PLXNC1: variants seen among roughly 807,000 people sequenced by gnomAD.
PLXNC1 encodes the protein plexin C1, also known as plexin-C1.
In PLXNC1, 75 loss-of-function variants were observed where a neutral mutation model predicts 178.2. The ratio of observed to expected loss-of-function variants is 0.42; its 90% CI spans 0.35 to 0.51. PLXNC1 has a LOEUF of 0.51. Among genes scored for constraint, PLXNC1 ranks in the 20% least tolerant of loss-of-function variants. PLXNC1 has a pLI of 0.02. For synonymous variants in PLXNC1, 790 were observed against 779.9 expected (o/e 1.01, Z -0.22); for missense variants, 1,503 against 1,984.4 (o/e 0.76, Z 4.61).
At chr12:94,252,196 C>A (rs903902799) in intron 15 of PLXNC1, among the ~76,000 whole-genome samples, 4 of 152,142 alleles carry the variant, frequency 2.6e-5, no homozygotes, top group African/African-American at 7.2e-5. Flanking sequence ...TTGGTTATTT[C>A]ATCTTGACCA....
intron 6 of PLXNC1, among the ~76,000 whole-genome samples, chr12:94,222,194 A>G (rs889287607): frequency 6.6e-6 from 1 of 152,188 alleles, no homozygotes; most frequent in Non-Finnish European, 1.5e-5. Flanking sequence ...ATGCCTCTAA[A>G]GTATTTGAGA....
At chr12:94,164,409 T>C (rs1379161302) in intron 1 of PLXNC1, among the ~76,000 whole-genome samples, 1 of 149,630 alleles carries the variant, frequency 6.7e-6, no homozygotes, top group African/African-American at 2.5e-5. Flanking sequence ...TCCCTCCCGA[T>C]GATGCCGCAA....
intron 1 of PLXNC1, among the ~76,000 whole-genome samples, chr12:94,160,454 CCT>C (rs1592719934): frequency 1.3e-5 from 2 of 152,170 alleles, no homozygotes; most frequent in African/African-American, 2.4e-5. Context: ...CTTGTCATCC[CCT>C]GTCTCCCCGC....
chr12:94,275,619 C>T (rs1965875928), intron 21 of PLXNC1, among the ~76,000 whole-genome samples: 1 of 86,140 alleles, frequency 1.2e-5, no homozygotes, highest in South Asian at 2.9e-4. Flanking sequence ...TTTGGGAGGC[C>T]GAGGCGGGCG....
At chr12:94,159,749 G>T (rs890236798) in intron 1 of PLXNC1, among the ~76,000 whole-genome samples, 1 of 152,214 alleles carries the variant, frequency 6.6e-6, no homozygotes, top group African/African-American at 2.4e-5. Context: ...TGCCCTGTGG[G>T]GAATGGATGA....
intron 24 of PLXNC1, among the ~76,000 whole-genome samples, chr12:94,296,575 G>A (rs1967939893): frequency 2.6e-5 from 4 of 152,088 alleles, no homozygotes. Flanking sequence ...CTTGCTCTGT[G>A]AGCACCACCT....
intron 1 of PLXNC1, among the ~76,000 whole-genome samples, chr12:94,161,720 A>C (rs1013484507): frequency 5.9e-5 from 9 of 152,350 alleles, no homozygotes; most frequent in African/African-American, 2.2e-4. Flanking sequence ...CTTACAAGCT[A>C]TCAATGAGCT....
chr12:94,257,685 T>C (rs934795740), intron 17 of PLXNC1, among the ~76,000 whole-genome samples: 2 of 148,578 alleles, frequency 1.3e-5, no homozygotes, highest in African/African-American at 5.0e-5. Context: ...AGGCAGAGAA[T>C]TGCTTGAACC....
chr12:94,250,363 C>T (rs1046993318), intron 14 of PLXNC1, among the ~76,000 whole-genome samples: 1 of 152,122 alleles, frequency 6.6e-6, no homozygotes, highest in African/African-American at 2.4e-5. Context: ...CCAAGAGGCA[C>T]TCCCAACATC....
At chr12:94,245,340 G>A (rs1290894421) in intron 12 of PLXNC1, among the ~76,000 whole-genome samples, 3 of 152,338 alleles carry the variant, frequency 2.0e-5, no homozygotes, top group Middle Eastern at 6.8e-3. Flanking sequence ...AGATAAGTGA[G>A]ATAGTCATAT....
intron 23 of PLXNC1, among the ~76,000 whole-genome samples, chr12:94,290,491 C>T (rs373142965): frequency 5.9e-5 from 9 of 152,228 alleles, no homozygotes; most frequent in African/African-American, 2.2e-4. Context: ...GGCCTGATGG[C>T]CCCAGCCGGC....
chr12:94,288,079 T>G (rs1275766004), intron 23 of PLXNC1, among the ~76,000 whole-genome samples: 1 of 152,210 alleles, frequency 6.6e-6, no homozygotes, highest in African/African-American at 2.4e-5. Flanking sequence ...GATCCAGGCT[T>G]TCAGCCCATG....
intron 4 of PLXNC1, among the ~76,000 whole-genome samples, chr12:94,197,304 A>G (rs1418387898): frequency 1.3e-5 from 2 of 152,182 alleles, no homozygotes; most frequent in African/African-American, 2.4e-5. Flanking sequence ...AACCTTTCGG[A>G]CGTGATTAGG....
In PLXNC1 at chr12:94,303,700, T is replaced by TC. The variant is rs1286190363; in HGVS notation, c.4387-56_4387-55insC. ...TATTATAAATTCCTCCATCTTTTTT[T>TC]TTTTTTTTTTTTACTCTTTTGGTGA... On this transcript the variant is annotated intron_variant, in intron 28 of 30. Transcript: ENST00000258526. 5 of 1,154,944 alleles carry TC rather than the reference T, an allele frequency of 4.3e-6. No individual in the cohort carries two copies. The African/African-American group carries it at 8.2e-5, about 19-fold the overall frequency. The allele number at this position is 1,154,944 out of a possible 1,614,324, so 71.5% of individuals were successfully genotyped here.
At chr12:94,284,689 C>T (rs557115355) in intron 23 of PLXNC1, among the ~76,000 whole-genome samples, 19 of 152,044 alleles carry the variant, frequency 1.2e-4, no homozygotes, top group African/African-American at 3.6e-4. Context: ...GGGCCAGATT[C>T]GGACCTGGAT....
intron 1 of PLXNC1, among the ~76,000 whole-genome samples, chr12:94,154,933 T>C (rs1346107646): frequency 6.6e-6 from 1 of 152,236 alleles, no homozygotes; most frequent in African/African-American, 2.4e-5. Flanking sequence ...AAATGAAGGA[T>C]CGTAGAGAAT....
intron 14 of PLXNC1, among the ~76,000 whole-genome samples, chr12:94,249,473 A>G (rs1337145658): frequency 6.6e-6 from 1 of 152,118 alleles, no homozygotes; most frequent in Non-Finnish European, 1.5e-5. Flanking sequence ...GCCTCAAGTG[A>G]TCTGCCTGCC....
intron 9 of PLXNC1, among the ~76,000 whole-genome samples, chr12:94,235,167 A>G (rs539162146): frequency 5.1e-4 from 78 of 152,278 alleles, no homozygotes; most frequent in South Asian, 1.2e-3. Context: ...GCTGGATTCC[A>G]TCCTAGATGG....
At chr12:94,189,651 G>A (rs1043216829) in intron 4 of PLXNC1, among the ~76,000 whole-genome samples, 1 of 150,016 alleles carries the variant, frequency 6.7e-6, no homozygotes, top group Admixed American at 6.7e-5. Context: ...CTACTTTCCA[G>A]CTTGGATGAC....
Sources: gnomAD v4.1 joint callset for allele counts (sites outside exome capture counted in the v4.1 genomes callset) on GRCh38, gnomAD v4.1.1 for gene constraint, MANE v1.5 for transcripts, NCBI Gene and HGNC (gene_info 2026-07-23, HGNC 2026-07-21) for gene names.